The following WIPI2 variants were observed in gnomAD, a reference collection of about 807,000 sequenced individuals.
The protein encoded by WIPI2 is WD repeat domain phosphoinositide-interacting protein 2.
A neutral mutation model predicts 52.3 loss-of-function variants in WIPI2; 28 were observed. The ratio of observed to expected loss-of-function variants is 0.54; its 90% CI spans 0.40 to 0.73. The LOEUF is 0.73. Among genes scored for constraint, WIPI2 ranks in the 30% least tolerant of loss-of-function variants. The pLI, the probability that WIPI2 is intolerant of heterozygous loss-of-function variation, is 0.00. For missense variants in WIPI2, 506 were observed against 602.9 expected, an observed-to-expected ratio of 0.84 and a Z score of 1.68; for synonymous variants, 268 against 245.0, an observed-to-expected ratio of 1.09 and a Z score of -0.88.
chr7:5,219,348 TTC>T (rs1782975295), intron 7 of WIPI2, among the ~76,000 whole-genome samples: 1 of 152,226 alleles, frequency 6.6e-6, no homozygotes, highest in African/African-American at 2.4e-5. Context: ...GGCCCTGAAA[TTC>T]TGTTACCCTT....
chr7:5,221,889 G>A (rs992503608), intron 7 of WIPI2, among the ~76,000 whole-genome samples: 1 of 152,066 alleles, frequency 6.6e-6, no homozygotes, highest in Non-Finnish European at 1.5e-5. Flanking sequence ...ACCTTGGTGG[G>A]GTCCGAAGCC....
At position 5,232,374 on chromosome 7, in the gene WIPI2, G is replaced by T; in HGVS notation, c.*1427G>T. On this transcript the variant is annotated 3_prime_UTR_variant, in exon 13 of 13. Transcript: ENST00000288828. Reference sequence around the variant, plus strand: ...CCCAGTGTTCCTGGGTTGGCTTTACGGCAAACTAAATGCAGGGGACGCTGG... The same window carrying T: ...CCCAGTGTTCCTGGGTTGGCTTTACTGCAAACTAAATGCAGGGGACGCTGG... 2.5e-6 allele frequency: 1 copy of T among 398,492 alleles called. No individual in the cohort carries two copies. Among genetic ancestry groups the T allele is most frequent in the Non-Finnish European group, 4.4e-6 (1 of 226,076 alleles). The allele number at this position is 398,492 out of a possible 1,614,324, so 24.7% of individuals were successfully genotyped here. A position where few individuals can be genotyped will look rare whatever the true frequency, so the allele number is the denominator to read the frequency against.
intron 3 of WIPI2, among the ~76,000 whole-genome samples, chr7:5,204,412 A>C (rs896317041): frequency 6.6e-6 from 1 of 152,206 alleles, no homozygotes; most frequent in East Asian, 1.9e-4. Context: ...GGTTGCAGTG[A>C]GTCAAGATTG....
intron 1 of WIPI2, among the ~76,000 whole-genome samples, chr7:5,191,410 G>A (rs1256709892): frequency 6.6e-6 from 1 of 152,194 alleles, no homozygotes; most frequent in Non-Finnish European, 1.5e-5. Context: ...CCTAGCTAGG[G>A]AGAAACTGAG....
intron 2 of WIPI2, among the ~76,000 whole-genome samples, chr7:5,197,207 C>T (rs1179899172): frequency 6.6e-6 from 1 of 151,378 alleles, no homozygotes; most frequent in African/African-American, 2.4e-5. Flanking sequence ...ACACCAAACC[C>T]TCAACTCGAA....
chr7:5,226,949 G>A (rs1783464094), intron 9 of WIPI2: 1 of 553,640 alleles, frequency 1.8e-6, no homozygotes, highest in Non-Finnish European at 3.2e-6. Flanking sequence ...GTGGCCAAAG[G>A]CTGTAGCTCC....
intron 3 of WIPI2, among the ~76,000 whole-genome samples, chr7:5,210,671 C>G (rs1021053200): frequency 1.3e-5 from 2 of 152,136 alleles, no homozygotes; most frequent in Non-Finnish European, 2.9e-5. Context: ...GCAGTAAGAA[C>G]CTATTCTTTG....
At chr7:5,205,301 C>A (rs547647649) in intron 3 of WIPI2, among the ~76,000 whole-genome samples, 4 of 152,244 alleles carry the variant, frequency 2.6e-5, no homozygotes, top group South Asian at 4.2e-4. Flanking sequence ...TAAGTAATGA[C>A]AAAAATATGT....
rs1783837622 is a variant in WIPI2, at chr7:5,233,704, A to G, written c.*2757A>G. Reference sequence around the variant, plus strand: ...GAGCCTGCGTTTTCTGGACCGTTCCATGGGACTCATCCCTACCTCACAGGG... The same window carrying G: ...GAGCCTGCGTTTTCTGGACCGTTCCGTGGGACTCATCCCTACCTCACAGGG... On this transcript the variant is annotated 3_prime_UTR_variant, in exon 13 of 13. Coordinates refer to ENST00000288828, the MANE Select transcript of WIPI2 (RefSeq NM_015610.4). 6.6e-6 allele frequency: 1 copy of G among 152,278 alleles called. No homozygotes were observed. 9.4% of individuals were successfully genotyped at this position (152,278 alleles called of 1,614,324 possible).
At chr7:5,220,774 C>G (rs1008117626) in intron 7 of WIPI2, among the ~76,000 whole-genome samples, 1 of 151,906 alleles carries the variant, frequency 6.6e-6, no homozygotes, top group Non-Finnish European at 1.5e-5. Flanking sequence ...CTGCATTCAG[C>G]TTAGATAGTC....
chr7:5,217,445 T>C (rs148311805), intron 6 of WIPI2: 5 of 472,460 alleles, frequency 1.1e-5, no homozygotes, highest in East Asian at 8.4e-5. Flanking sequence ...GTTACAGTCA[T>C]GCAACACCAC....
chr7:5,231,135 T>A lies in WIPI2; in HGVS notation c.*188T>A. 1 of 435,038 alleles carries A rather than the reference T, an allele frequency of 2.3e-6. No individual in the cohort carries two copies. Among genetic ancestry groups the A allele is most frequent in the Non-Finnish European group, 4.0e-6 (1 of 248,834 alleles). 26.9% of individuals were successfully genotyped at this position (435,038 alleles called of 1,614,324 possible). ...AGGAAATACATCATTTTCACTTCAG[T>A]GGCTTTTAAATCCTGCTTATGAATT... is the stretch of plus-strand genomic sequence containing the variant. On this transcript the variant is annotated 3_prime_UTR_variant, in exon 13 of 13. Transcript: ENST00000288828.
At position 5,218,020 on chromosome 7, in the gene WIPI2, T is replaced by C. The variant is rs1228462012; in HGVS notation, c.669+6T>C. 1.1e-5 allele frequency: 17 copies of C among 1,613,908 alleles called. No individual in the cohort carries two copies. Among genetic ancestry groups the C allele is most frequent in the Non-Finnish European group, 1.4e-5 (17 of 1,179,970 alleles). ...TTGCCACGGCTTCGGAGAAGGTGAGTCTGCTTTTCCCCGGGGGAGCACTGG... is the reference window on the plus strand; with the variant it reads ...TTGCCACGGCTTCGGAGAAGGTGAGCCTGCTTTTCCCCGGGGGAGCACTGG... On this transcript the variant is annotated splice_donor_region_variant and intron_variant, in intron 7 of 12. Transcript: ENST00000288828.
intron 8 of WIPI2, 27 bp downstream of exon 8, chr7:5,222,699 A>T: frequency 6.3e-7 from 1 of 1,597,364 alleles, no homozygotes; most frequent in Non-Finnish European, 8.6e-7. Context: ...TCCAGAATGG[A>T]TTCTGGAGGT....
At position 5,232,626 on chromosome 7, in the gene WIPI2, G is replaced by C. The variant is rs1783778754; in HGVS notation, c.*1679G>C. ...AGCAGGGATGAGAAGGGCCGCGGCA[G>C]CACGCAGCCTTGACCCACGCCTGCG... On this transcript the variant is annotated 3_prime_UTR_variant, in exon 13 of 13. Transcript: ENST00000288828. 2 of 278,786 alleles carry C rather than the reference G, an allele frequency of 7.2e-6. No individual in the cohort carries two copies. Among genetic ancestry groups the C allele is most frequent in the Non-Finnish European group, 1.3e-5 (2 of 150,412 alleles). The allele number at this position is 278,786 out of a possible 1,614,324, so 17.3% of individuals were successfully genotyped here. A position where few individuals can be genotyped will look rare whatever the true frequency, so the allele number is the denominator to read the frequency against.
At chr7:5,200,401 C>G (rs938701155) in intron 3 of WIPI2, among the ~76,000 whole-genome samples, 4 of 152,114 alleles carry the variant, frequency 2.6e-5, no homozygotes, top group African/African-American at 9.7e-5. Context: ...TAATACAGGT[C>G]CCTTGCATCC....
intron 3 of WIPI2, among the ~76,000 whole-genome samples, chr7:5,213,773 T>TC (rs1298974987): frequency 7.9e-5 from 12 of 151,988 alleles, no homozygotes; most frequent in Non-Finnish European, 7.4e-5. Flanking sequence ...TCAAGCTCCG[T>TC]CCCCCGGGTT....
intron 7 of WIPI2, among the ~76,000 whole-genome samples, chr7:5,220,960 ATTT>A (rs11361126): frequency 4.6e-5 from 5 of 107,538 alleles, no homozygotes; most frequent in African/African-American, 1.1e-4. Flanking sequence ...CACCCACCTA[ATTT>A]TTTTTTTTTT....
At chr7:5,198,785 C>T (rs893662240) in intron 2 of WIPI2, among the ~76,000 whole-genome samples, 1 of 152,192 alleles carries the variant, frequency 6.6e-6, no homozygotes, top group Non-Finnish European at 1.5e-5. Context: ...TTTCCCTCCA[C>T]TTTATTGTGG....
Sources: allele counts gnomAD v4.1 joint callset (sites outside exome capture counted in the v4.1 genomes callset), GRCh38; gene constraint gnomAD v4.1.1; transcripts MANE v1.5; gene names NCBI Gene and HGNC (gene_info 2026-07-23, HGNC 2026-07-21).